ARHGAP31: variants seen among roughly 807,000 people sequenced by gnomAD.
The protein encoded by ARHGAP31 is rho GTPase-activating protein 31.
ARHGAP31 carries 34 observed loss-of-function variants against 113.9 expected under a neutral mutation model. That is an observed-to-expected ratio of 0.30 (90% CI 0.23 to 0.40). ARHGAP31 has a LOEUF of 0.40. Ranked by LOEUF, ARHGAP31 falls within the 10% of genes least tolerant of loss-of-function variation. The pLI, the probability that ARHGAP31 is intolerant of heterozygous loss-of-function variation, is 1.00. For missense variants in ARHGAP31, 1,548 were observed against 1,767.1 expected (o/e 0.88, Z 2.22); for synonymous variants, 650 against 684.8 (o/e 0.95, Z 0.79).
chr3:119,322,988 G>C (rs980780100), intron 1 of ARHGAP31, among the ~76,000 whole-genome samples: 4 of 152,146 alleles, frequency 2.6e-5, no homozygotes, highest in African/African-American at 9.7e-5. Flanking sequence ...TTTCTGCCCC[G>C]CCCCGGGGTC....
chr3:119,324,407 T>C (rs571947224), intron 1 of ARHGAP31, among the ~76,000 whole-genome samples: 1 of 152,354 alleles, frequency 6.6e-6, no homozygotes, highest in South Asian at 2.1e-4. Context: ...ATAGTTTTAG[T>C]TATTTTGAAT....
intron 3 of ARHGAP31, among the ~76,000 whole-genome samples, chr3:119,373,977 A>C (rs948261675): frequency 3.3e-5 from 5 of 152,244 alleles, no homozygotes; most frequent in Non-Finnish European, 7.3e-5. Flanking sequence ...CAATATCAAC[A>C]TTTTGGAGAG....
At chr3:119,403,575 C>G (rs1180620925) in intron 10 of ARHGAP31, among the ~76,000 whole-genome samples, 2 of 152,134 alleles carry the variant, frequency 1.3e-5, no homozygotes, top group Admixed American at 6.5e-5. Context: ...AGAGCCTCCT[C>G]AGGATTTTTG....
At chr3:119,357,757 C>T (rs1298733485) in intron 1 of ARHGAP31, among the ~76,000 whole-genome samples, 1 of 152,094 alleles carries the variant, frequency 6.6e-6, no homozygotes, top group Middle Eastern at 3.2e-3. Context: ...CTAACCGTTC[C>T]CAAAGGGTGG....
intron 8 of ARHGAP31, among the ~76,000 whole-genome samples, chr3:119,397,303 G>A (rs9884090): frequency 0.16 from 23,896 of 152,148 alleles, 2,016 homozygotes; most frequent in East Asian, 0.35. Context: ...ACCAAAGGTG[G>A]ACACCGATGG....
chr3:119,316,521 G>T (rs777717605), intron 1 of ARHGAP31, among the ~76,000 whole-genome samples: 11 of 152,236 alleles, frequency 7.2e-5, no homozygotes, highest in South Asian at 6.2e-4. Flanking sequence ...AGCAAACAGA[G>T]AAATCCCTGG....
At chr3:119,374,052 G>A (rs1397191662) in intron 3 of ARHGAP31, among the ~76,000 whole-genome samples, 1 of 152,150 alleles carries the variant, frequency 6.6e-6, no homozygotes, top group East Asian at 1.9e-4. Flanking sequence ...AAACTGTGTG[G>A]CCATGAAAAG....
chr3:119,301,606 G>A (rs922831503), intron 1 of ARHGAP31, among the ~76,000 whole-genome samples: 2 of 151,922 alleles, frequency 1.3e-5, no homozygotes, highest in African/African-American at 4.8e-5. Context: ...AAAGTTGATT[G>A]ATCACTGCTT....
At chr3:119,383,055 T>A (rs1051603058) in intron 5 of ARHGAP31, 29 bp from the exon 6 acceptor site, 4 of 1,613,534 alleles carry the variant, frequency 2.5e-6, no homozygotes, top group Non-Finnish European at 3.4e-6. Flanking sequence ...GCAAACTCAC[T>A]AACTGAATAT....
chr3:119,330,260 C>T (rs1031088699), intron 1 of ARHGAP31, among the ~76,000 whole-genome samples: 1 of 152,184 alleles, frequency 6.6e-6, no homozygotes, highest in Non-Finnish European at 1.5e-5. Context: ...CCCAGAGCTG[C>T]CCAAGCTGCA....
chr3:119,325,857 T>C (rs749004733), intron 1 of ARHGAP31, among the ~76,000 whole-genome samples: 20 of 152,302 alleles, frequency 1.3e-4, no homozygotes, highest in Admixed American at 5.2e-4. Context: ...ACTGATTAAA[T>C]CAGAATCTCT....
chr3:119,345,913 C>G (rs1001943860), intron 1 of ARHGAP31, among the ~76,000 whole-genome samples: 2 of 152,202 alleles, frequency 1.3e-5, no homozygotes, highest in South Asian at 4.1e-4. Flanking sequence ...TTAGCCCTGA[C>G]TTGAACTCTT....
At chr3:119,305,182 C>T (rs2079620551) in intron 1 of ARHGAP31, among the ~76,000 whole-genome samples, 1 of 152,176 alleles carries the variant, frequency 6.6e-6, no homozygotes, top group Admixed American at 6.5e-5. Flanking sequence ...ATGGCTTTGT[C>T]TGCTCTTGAC....
chr3:119,335,103 G>T (rs549230456), intron 1 of ARHGAP31, among the ~76,000 whole-genome samples: 1 of 152,178 alleles, frequency 6.6e-6, no homozygotes, highest in Non-Finnish European at 1.5e-5. Context: ...GATCTAAAAT[G>T]GTGGTTAGGC....
At chr3:119,307,286 G>C (rs1169349169) in intron 1 of ARHGAP31, among the ~76,000 whole-genome samples, 1 of 152,158 alleles carries the variant, frequency 6.6e-6, no homozygotes, top group Non-Finnish European at 1.5e-5. Flanking sequence ...GAGCCATTAT[G>C]AGCATTAAAG....
chr3:119,344,716 A>T (rs1213358945), intron 1 of ARHGAP31, among the ~76,000 whole-genome samples: 1 of 148,506 alleles, frequency 6.7e-6, no homozygotes, highest in Admixed American at 6.7e-5. Flanking sequence ...GGCAGCCTCA[A>T]CCTCCCCCCA....
intron 1 of ARHGAP31, among the ~76,000 whole-genome samples, chr3:119,318,701 C>A (rs940934958): frequency 6.6e-6 from 1 of 152,178 alleles, no homozygotes; most frequent in Non-Finnish European, 1.5e-5. Flanking sequence ...CTTTTTTACT[C>A]TTGAATAATT....
intron 1 of ARHGAP31, among the ~76,000 whole-genome samples, chr3:119,312,096 T>G (rs1333603283): frequency 6.6e-6 from 1 of 152,212 alleles, no homozygotes; most frequent in Non-Finnish European, 1.5e-5. Flanking sequence ...AAGAGAGTGG[T>G]GAAGACAAAT....
intron 6 of ARHGAP31, among the ~76,000 whole-genome samples, chr3:119,385,650 C>T (rs1324377142): frequency 6.6e-6 from 1 of 152,138 alleles, no homozygotes; most frequent in Admixed American, 6.5e-5. Context: ...GTAGGTATTC[C>T]ACATGCAGCA....
Sources: gnomAD v4.1 joint callset for allele counts (sites outside exome capture counted in the v4.1 genomes callset) on GRCh38, gnomAD v4.1.1 for gene constraint, MANE v1.5 for transcripts, NCBI Gene and HGNC (gene_info 2026-07-23, HGNC 2026-07-21) for gene names.